DNAAF5: variants seen among roughly 807,000 people sequenced by gnomAD.
DNAAF5 encodes dynein axonemal assembly factor 5.
DNAAF5 carries 64 observed loss-of-function variants against 75.8 expected under a neutral mutation model. The observed-to-expected ratio is 0.84, with a 90% CI of 0.69 to 1.04. The LOEUF (loss-of-function observed/expected upper bound fraction) is 1.04, where lower values mean the gene tolerates loss of function less well. DNAAF5 is among the 50% of genes least tolerant of loss of function. DNAAF5 has a pLI of 0.00. For missense variants in DNAAF5, 1,269 were observed against 1,178.5 expected, an observed-to-expected ratio of 1.08 and a Z score of -1.12; for synonymous variants, 657 against 557.2, an observed-to-expected ratio of 1.18 and a Z score of -2.52.
At chr7:763,717 C>G in intron 7 of DNAAF5, 89 bp from the exon 8 acceptor site, 24 of 1,424,532 alleles carry the variant, frequency 1.7e-5, no homozygotes, top group Non-Finnish European at 2.3e-5. Flanking sequence ...GTGGTTCTTA[C>G]GCGTGAGGGG....
intron 2 of DNAAF5, among the ~76,000 whole-genome samples, chr7:733,936 A>G (rs897607881): frequency 1.1e-4 from 16 of 152,316 alleles, no homozygotes; most frequent in East Asian, 1.9e-4. Context: ...TAGAAATGCT[A>G]CTGGGGCTTT....
chr7:769,398 C>T (rs1232979327), intron 8 of DNAAF5, among the ~76,000 whole-genome samples: 2 of 152,118 alleles, frequency 1.3e-5, no homozygotes, highest in Admixed American at 6.5e-5. Flanking sequence ...TGGAGACTTA[C>T]AGGGAGGCGG....
Position 770,465 on chromosome 7 carries a change from T to C in DNAAF5, c.1784-6T>C, listed in dbSNP as rs760746000. ...CGTGCACAGGAGCCTCTGTTGTGTC[T>C]TACAGGCCCTGCCCTGGGAGAAGCC... is the stretch of plus-strand genomic sequence containing the variant. On this transcript the variant is annotated splice_polypyrimidine_tract_variant and splice_region_variant and intron_variant, in intron 8 of 12. Transcript: ENST00000297440. 2 of 1,612,220 alleles carry C rather than the reference T, an allele frequency of 1.2e-6. No individual in the cohort carries two copies. Among genetic ancestry groups the C allele is most frequent in the Non-Finnish European group, 8.5e-7 (1 of 1,179,452 alleles).
chr7:746,926 T>A (rs1583488721), intron 4 of DNAAF5, among the ~76,000 whole-genome samples: 1 of 152,208 alleles, frequency 6.6e-6, no homozygotes, highest in African/African-American at 2.4e-5. Flanking sequence ...TGGCGTCTGC[T>A]CTTTCCTCTC....
intron 12 of DNAAF5, among the ~76,000 whole-genome samples, chr7:781,987 G>A (rs1005184861): frequency 6.6e-6 from 1 of 152,254 alleles, no homozygotes; most frequent in African/African-American, 2.4e-5. Context: ...TTGCTGTGTG[G>A]AAGCTTTGGG....
intron 4 of DNAAF5, among the ~76,000 whole-genome samples, chr7:743,622 AGC>A (rs1010021750): frequency 1.3e-5 from 2 of 150,928 alleles, no homozygotes; most frequent in Non-Finnish European, 2.9e-5. Flanking sequence ...GATGGAGTGA[AGC>A]CAGTGAGAAC....
intron 5 of DNAAF5, among the ~76,000 whole-genome samples, chr7:756,198 G>A (rs954168336): frequency 6.7e-6 from 1 of 150,334 alleles, no homozygotes; most frequent in Non-Finnish European, 1.5e-5. Context: ...GTGATCCGCT[G>A]TGGAATCCCA....
At chr7:751,348 C>T (rs1298902694) in intron 4 of DNAAF5, among the ~76,000 whole-genome samples, 2 of 151,888 alleles carry the variant, frequency 1.3e-5, no homozygotes, top group African/African-American at 4.8e-5. Context: ...AAAACATACC[C>T]TTTAGCCTGG....
At chr7:752,300 T>C (rs111990801) in intron 4 of DNAAF5, among the ~76,000 whole-genome samples, 131 of 150,800 alleles carry the variant, frequency 8.7e-4, no homozygotes, top group East Asian at 6.1e-3. Flanking sequence ...GCGAAGCCTT[T>C]GTGACAGTGG....
In DNAAF5 at chr7:763,797, A is replaced by C. The variant is rs1468463755; in HGVS notation, c.1615-9A>C. On this transcript the variant is annotated splice_polypyrimidine_tract_variant and intron_variant, in intron 7 of 12. Coordinates refer to ENST00000297440, the MANE Select transcript of DNAAF5 (RefSeq NM_017802.4). ...GGAATTGTCTCAGTCTCTGACTTGTAACCTCCAGGCACAGGAGACGATGGA... is the reference window on the plus strand; with the variant it reads ...GGAATTGTCTCAGTCTCTGACTTGTCACCTCCAGGCACAGGAGACGATGGA... 1.9e-6 allele frequency: 3 copies of C among 1,612,716 alleles called. No homozygotes were observed. Among genetic ancestry groups the C allele is most frequent in the Non-Finnish European group, 2.5e-6 (3 of 1,179,840 alleles).
intron 6 of DNAAF5, among the ~76,000 whole-genome samples, chr7:761,295 C>T (rs1378746482): frequency 6.6e-6 from 1 of 152,260 alleles, no homozygotes; most frequent in African/African-American, 2.4e-5. Context: ...TGCTGCCCCT[C>T]GTGAGCCGTA....
At chr7:769,513 T>C (rs965005749) in intron 8 of DNAAF5, among the ~76,000 whole-genome samples, 3 of 151,768 alleles carry the variant, frequency 2.0e-5, no homozygotes, top group Admixed American at 1.3e-4. Flanking sequence ...AGCTTGGCCC[T>C]GAGTGTGGGC....
intron 11 of DNAAF5, among the ~76,000 whole-genome samples, chr7:779,470 G>A (rs1778866673): frequency 1.3e-5 from 2 of 152,192 alleles, no homozygotes; most frequent in Non-Finnish European, 2.9e-5. Flanking sequence ...TACCCATCGG[G>A]AAGGATCATC....
intron 11 of DNAAF5, among the ~76,000 whole-genome samples, chr7:779,606 G>C (rs1778869780): frequency 6.6e-6 from 1 of 152,142 alleles, no homozygotes; most frequent in South Asian, 2.1e-4. Context: ...GAGCATCTGG[G>C]AGCAGGAGGT....
chr7:765,891 A>G (rs1782804104), intron 8 of DNAAF5, among the ~76,000 whole-genome samples: 1 of 152,086 alleles, frequency 6.6e-6, no homozygotes, highest in Admixed American at 6.6e-5. Context: ...AAATGGGGTC[A>G]TATATGCTGC....
At chr7:736,917 C>T (rs942176399) in intron 2 of DNAAF5, among the ~76,000 whole-genome samples, 3 of 151,862 alleles carry the variant, frequency 2.0e-5, no homozygotes, top group Non-Finnish European at 4.4e-5. Context: ...TAACATAACC[C>T]ATTATTTTAA....
intron 1 of DNAAF5, 69 bp downstream of exon 1, chr7:727,384 C>T: frequency 1.1e-6 from 1 of 899,902 alleles, no homozygotes; most frequent in Non-Finnish European, 1.4e-6. Flanking sequence ...CTCCGCGGCC[C>T]CTCTCACAAC....
chr7:729,605 G>T (rs904781945), intron 1 of DNAAF5, 58 bp from the exon 2 acceptor site: 112 of 1,539,680 alleles, frequency 7.3e-5, no homozygotes, highest in Non-Finnish European at 9.4e-5. Flanking sequence ...GAAGCCCACA[G>T]AGCTGGGCGA....
At chr7:740,795 C>G in intron 2 of DNAAF5, 24 bp from the exon 3 acceptor site, 1 of 1,612,504 alleles carries the variant, frequency 6.2e-7, no homozygotes, top group Non-Finnish European at 8.5e-7. Context: ...TACACGAATC[C>G]TTATCCCTTC....
Sources: gnomAD v4.1 joint callset for allele counts (sites outside exome capture counted in the v4.1 genomes callset) on GRCh38, gnomAD v4.1.1 for gene constraint, MANE v1.5 for transcripts, NCBI Gene and HGNC (gene_info 2026-07-23, HGNC 2026-07-21) for gene names.